HEG1: variants seen among roughly 807,000 people sequenced by gnomAD.
HEG1 encodes protein HEG homolog 1.
HEG1 carries 56 observed loss-of-function variants against 125.6 expected under a neutral mutation model. The ratio of observed to expected loss-of-function variants is 0.45; its 90% CI spans 0.36 to 0.56. The LOEUF (loss-of-function observed/expected upper bound fraction) is 0.56. HEG1 is among the 20% of genes least tolerant of loss of function. HEG1 has a pLI of 0.00. For missense variants in HEG1, 1,523 were observed against 1,670.0 expected (o/e 0.91, Z 1.53); for synonymous variants, 644 against 668.5 (o/e 0.96, Z 0.57).
chr3:124,987,347 A>G (rs1287635152), intron 14 of HEG1, among the ~76,000 whole-genome samples: 1 of 152,008 alleles, frequency 6.6e-6, no homozygotes, highest in Non-Finnish European at 1.5e-5. Context: ...TCCCTGGCTC[A>G]CCCGAGGGGC....
chr3:125,005,285 C>T lies in HEG1; in HGVS notation c.3277G>A (p.Glu1093Lys). ...CTTACCGTTTTGGTGATCTCATTTT[C>T]AACTTCTTGTAGGTCTGAATGTTTT... The part of the protein sequence containing the change: ...VEKHSDLQEV[E>K]NEITKTLNMC... Residue 1093 changes from glutamate (E) to lysine (K), a missense_variant, in exon 9 of 17, where the codon GAA (glutamate) becomes AAA (lysine). Transcript: ENST00000311127. 6.3e-7 allele frequency: 1 copy of T among 1,594,878 alleles called. No individual in the cohort carries two copies. The highest frequency in any genetic ancestry group is 8.6e-7 in the Non-Finnish European group (1 of 1,169,066).
At chr3:125,008,666 T>C (rs1019058091) in intron 8 of HEG1, among the ~76,000 whole-genome samples, 9 of 152,076 alleles carry the variant, frequency 5.9e-5, no homozygotes, top group African/African-American at 1.9e-4. Context: ...GGCATGGTGG[T>C]GCATGCCTGT....
intron 1 of HEG1, among the ~76,000 whole-genome samples, chr3:125,035,324 C>A (rs948709205): frequency 6.6e-6 from 1 of 151,990 alleles, no homozygotes; most frequent in Non-Finnish European, 1.5e-5. Context: ...TAAGGAGGCT[C>A]CTTAGAGTAA....
chr3:125,013,861 T>C lies in HEG1; in HGVS notation c.1718A>G (p.Asp573Gly). The change falls in exon 6 of 17, where the codon GAT (aspartate) becomes GGT (glycine). Residue 573 changes from aspartate (D) to glycine (G), a missense_variant. Coordinates refer to ENST00000311127, the MANE Select transcript of HEG1 (RefSeq NM_020733.2). ...KGERALLSITDNSSSSDIVES... is the reference protein window; with the variant it reads ...KGERALLSITGNSSSSDIVES... Reference sequence around the variant, plus strand: ...CACAATGTCTGAGGATGAACTGTTATCTGTAATGGACAGTAACGCCCGTTC... The same window carrying C: ...CACAATGTCTGAGGATGAACTGTTACCTGTAATGGACAGTAACGCCCGTTC... 1 of 1,613,932 alleles carries C rather than the reference T, an allele frequency of 6.2e-7. No individual in the cohort carries two copies. The highest frequency in any genetic ancestry group is 8.5e-7 in the Non-Finnish European group (1 of 1,179,868).
intron 15 of HEG1, among the ~76,000 whole-genome samples, chr3:124,974,443 C>T (rs562212987): frequency 1.3e-5 from 2 of 152,244 alleles, no homozygotes; most frequent in African/African-American, 4.8e-5. Context: ...TCACCTTTTG[C>T]TACTAGAAGG....
intron 14 of HEG1, among the ~76,000 whole-genome samples, chr3:124,978,899 GTTGT>G (rs1936600189): frequency 6.6e-6 from 1 of 151,390 alleles, no homozygotes; most frequent in Non-Finnish European, 1.5e-5. Context: ...ACCCTTTGGT[GTTGT>G]TTAATTTTTT....
rs780013412 is a variant in HEG1 at position 125,013,442 on chromosome 3, A to G, written c.2137T>C (p.Ser713Pro). The change falls in exon 6 of 17, where the codon TCT becomes CCT. Residue 713 changes from serine to proline, a missense_variant. Transcript: ENST00000311127. ...ACTGGTAAAGGTGATGGTGAGGAAG[A>G]CCATGGTGTGGATGCATCAGAGGTA... is the stretch of plus-strand genomic sequence containing the variant. ...KSTSDASTPW[S>P]SSPSPLPVSL... 2.5e-6 allele frequency: 4 copies of G among 1,613,794 alleles called. No individual in the cohort carries two copies. In the East Asian group the frequency reaches 6.7e-5, roughly 27 times the overall value.
chr3:125,023,939 A>T (rs1392330700), intron 3 of HEG1, among the ~76,000 whole-genome samples: 1 of 150,716 alleles, frequency 6.6e-6, no homozygotes, highest in African/African-American at 2.4e-5. Context: ...CCTGACTGCT[A>T]TCCAGAACTT....
intron 11 of HEG1, among the ~76,000 whole-genome samples, chr3:124,998,401 G>T (rs545621483): frequency 1.3e-5 from 2 of 152,320 alleles, no homozygotes; most frequent in South Asian, 4.1e-4. Context: ...GATGAGGAGA[G>T]ATCTGAAAGA....
Position 124,970,645 on chromosome 3 carries a change from C to T in HEG1, c.*7G>A, listed in dbSNP as rs1176087972. On this transcript the variant is annotated 3_prime_UTR_variant, in exon 17 of 17. Coordinates refer to ENST00000311127, the MANE Select transcript of HEG1 (RefSeq NM_020733.2). ...CTCAGAGCAATGAGTCCCTCTCTCT[C>T]CTGGACTTAAAAGTAGTCTCTTCTT... 6.3e-7 allele frequency: 1 copy of T among 1,591,874 alleles called. No individual in the cohort carries two copies. The highest frequency in any genetic ancestry group is 8.6e-7 in the Non-Finnish European group (1 of 1,168,614).
intron 1 of HEG1, among the ~76,000 whole-genome samples, chr3:125,036,206 T>A (rs1378557731): frequency 4.8e-5 from 1 of 20,622 alleles, no homozygotes; most frequent in East Asian, 8.5e-3. Flanking sequence ...CAAGACCCTG[T>A]CTCAAAAAAA....
At chr3:125,010,388 G>T in intron 7 of HEG1, 51 bp downstream of exon 7, 2 of 1,148,744 alleles carry the variant, frequency 1.7e-6, no homozygotes, top group Non-Finnish European at 1.3e-6. Context: ...TTATTGGGTA[G>T]CCCAACGTGG....
At position 125,036,604 on chromosome 3, in the gene HEG1, A is replaced by G. The variant is rs148399192; in HGVS notation, c.317-7116T>C. ...GATAAAAATGTTTAGCATCCTTAAC[A>G]CATAAAGAACTTTTTCAAATCCCTA... is the stretch of plus-strand genomic sequence containing the variant. On this transcript the variant is annotated intron_variant, in intron 1 of 16. Coordinates refer to ENST00000311127, the MANE Select transcript of HEG1 (RefSeq NM_020733.2). Among the ~76,000 whole-genome samples the G allele has an allele frequency of 3.3e-3, 503 of 152,364 alleles. 1 individual carries two copies. Among genetic ancestry groups the G allele is most frequent in the African/African-American group, 0.012 (484 of 41,588 alleles).
intron 1 of HEG1, among the ~76,000 whole-genome samples, chr3:125,042,563 A>G (rs1462422155): frequency 1.3e-5 from 2 of 152,258 alleles, no homozygotes; most frequent in African/African-American, 4.8e-5. Context: ...CATGTTAATA[A>G]GTCCCTATGA....
chr3:124,970,969 G>C (rs1018248093), intron 16 of HEG1, 168 bp from the exon 17 acceptor site: 2 of 661,072 alleles, frequency 3.0e-6, no homozygotes, highest in Non-Finnish European at 5.2e-6. Context: ...TTTCTCTCTG[G>C]AGCACAACCC....
intron 1 of HEG1, among the ~76,000 whole-genome samples, chr3:125,048,868 A>G (rs1313677583): frequency 6.6e-6 from 1 of 152,180 alleles, no homozygotes; most frequent in African/African-American, 2.4e-5. Flanking sequence ...GTTGCCAAAA[A>G]AGAATCACGG....
intron 3 of HEG1, among the ~76,000 whole-genome samples, chr3:125,025,477 C>T (rs1389298730): frequency 1.3e-5 from 2 of 152,196 alleles, no homozygotes; most frequent in East Asian, 1.9e-4. Context: ...ATGAAACTCA[C>T]CAGCAGTTAA....
At chr3:124,974,029 C>G (rs1936492389) in intron 15 of HEG1, 124 bp from the exon 16 acceptor site, 1 of 651,478 alleles carries the variant, frequency 1.5e-6, no homozygotes, top group Non-Finnish European at 2.6e-6. Flanking sequence ...TTGTAGCTGC[C>G]CACTGAGTAG....
chr3:125,013,265 T>C lies in HEG1; in HGVS notation c.2314A>G (p.Ser772Gly), dbSNP rs965878896. 1 of 1,614,036 alleles carries C rather than the reference T, an allele frequency of 6.2e-7. No homozygotes were observed. The highest frequency in any genetic ancestry group is 8.5e-7 in the Non-Finnish European group (1 of 1,179,896). Residue 772 changes from serine to glycine, a missense_variant, in exon 6 of 17, where the codon AGT becomes GGT. Transcript: ENST00000311127. ...TMTSFMTMLH[S>G]SQTADLKSQS... ...CTCTTAAGGTCTGCAGTTTGACTAC[T>C]ATGGAGCATTGTCATGAATGATGTC... is the stretch of plus-strand genomic sequence containing the variant.
Sources: allele counts gnomAD v4.1 joint callset (sites outside exome capture counted in the v4.1 genomes callset), GRCh38; gene constraint gnomAD v4.1.1; transcripts MANE v1.5; gene names NCBI Gene and HGNC (gene_info 2026-07-23, HGNC 2026-07-21).